PDE1C: variants seen among roughly 807,000 people sequenced by gnomAD.
The protein encoded by PDE1C is dual specificity calcium/calmodulin-dependent 3',5'-cyclic nucleotide phosphodiesterase 1C.
Under a neutral mutation model 93.1 loss-of-function variants are expected in PDE1C, and 62 were observed. That is an observed-to-expected ratio of 0.67 (90% CI 0.54 to 0.82). The LOEUF (loss-of-function observed/expected upper bound fraction) is 0.82, where lower values mean the gene tolerates loss of function less well. Among genes scored for constraint, PDE1C ranks in the 40% least tolerant of loss-of-function variants. The probability of loss-of-function intolerance (pLI) is 0.00; values close to 1 mark genes in which losing one functional copy is unlikely to be tolerated. For missense variants in PDE1C, 742 were observed against 884.6 expected (o/e 0.84, Z 2.04); for synonymous variants, 325 against 310.1 (o/e 1.05, Z -0.50).
At chr7:32,087,848 T>C (rs912159414) in intron 3 of PDE1C, among the ~76,000 whole-genome samples, 7 of 146,124 alleles carry the variant, frequency 4.8e-5, no homozygotes, top group Admixed American at 4.1e-4. Flanking sequence ...CTAGGGACTG[T>C]TGTGGGGTGG....
intron 1 of PDE1C, 96 bp downstream of exon 1, chr7:32,070,197 A>G: frequency 1.3e-6 from 2 of 1,577,428 alleles, no homozygotes; most frequent in Non-Finnish European, 1.7e-6. Flanking sequence ...TTAAAGGCCC[A>G]TGCAGGAACA....
intron 2 of PDE1C, among the ~76,000 whole-genome samples, chr7:32,033,267 G>T (rs1410556220): frequency 1.3e-5 from 2 of 152,072 alleles, no homozygotes; most frequent in African/African-American, 4.8e-5. Flanking sequence ...TCAAAGAAAA[G>T]GGAGAAGCGA....
chr7:31,712,876 A>C, the PDE1C span, among the ~76,000 whole-genome samples: 1 of 152,130 alleles, frequency 6.6e-6, no homozygotes, highest in Non-Finnish European at 1.5e-5. Flanking sequence ...CACTATCACG[A>C]GAACAGCAAG....
the PDE1C span, among the ~76,000 whole-genome samples, chr7:31,669,511 T>C: frequency 1.3e-5 from 2 of 152,164 alleles, no homozygotes. Context: ...CAAGGTAAAA[T>C]ATGGGCCACT....
At chr7:31,834,142 G>A (rs556620366) in intron 11 of PDE1C, among the ~76,000 whole-genome samples, 6 of 152,344 alleles carry the variant, frequency 3.9e-5, no homozygotes, top group African/African-American at 1.4e-4. Flanking sequence ...CAAGAATTGA[G>A]GTTTGGGAAC....
At chr7:31,775,867 G>T (rs1795791903) in intron 16 of PDE1C, 135 bp from the exon 17 acceptor site, 2 of 715,594 alleles carry the variant, frequency 2.8e-6, no homozygotes, top group South Asian at 1.7e-5. Flanking sequence ...GAGGTTGCAG[G>T]GTGGTGCATA....
chr7:32,380,232 C>CT (rs898733851), intron 1 of PDE1C, among the ~76,000 whole-genome samples: 87 of 148,840 alleles, frequency 5.8e-4, no homozygotes, highest in Middle Eastern at 3.4e-3. Flanking sequence ...CTCTCTCTCT[C>CT]TTTTTTTTTT....
chr7:32,255,868 G>A (rs1171761553), intron 1 of PDE1C, among the ~76,000 whole-genome samples: 1 of 152,184 alleles, frequency 6.6e-6, no homozygotes, highest in Non-Finnish European at 1.5e-5. Context: ...ATACAGAAAG[G>A]GCTGGTGGAC....
the PDE1C span, among the ~76,000 whole-genome samples, chr7:31,627,927 G>C: frequency 2.0e-5 from 3 of 152,278 alleles, no homozygotes; most frequent in South Asian, 6.2e-4. Context: ...TATCCAAAAG[G>C]GTTTAACTGA....
the PDE1C span, among the ~76,000 whole-genome samples, chr7:31,709,744 G>T: frequency 6.6e-5 from 10 of 152,108 alleles, no homozygotes; most frequent in Non-Finnish European, 1.3e-4. Context: ...GTCCCCTGAG[G>T]ACTTTTTCTG....
At chr7:31,796,708 T>C (rs1785349197) in intron 16 of PDE1C, among the ~76,000 whole-genome samples, 1 of 151,650 alleles carries the variant, frequency 6.6e-6, no homozygotes, top group African/African-American at 2.4e-5. Flanking sequence ...TATGGATTGG[T>C]TAATAGATTT....
intron 2 of PDE1C, among the ~76,000 whole-genome samples, chr7:31,995,301 T>C (rs1448297068): frequency 2.6e-5 from 4 of 152,162 alleles, no homozygotes; most frequent in African/African-American, 9.7e-5. Flanking sequence ...CAGAGGTCTA[T>C]TTTGTGAACT....
chr7:32,172,578 C>T (rs1259024631), intron 2 of PDE1C, among the ~76,000 whole-genome samples: 4 of 152,018 alleles, frequency 2.6e-5, no homozygotes, highest in African/African-American at 9.7e-5. Context: ...ATCCCACCAC[C>T]TTGGGAGGCC....
At chr7:31,686,831 A>G in the PDE1C span, 1 of 152,328 alleles carries the variant, frequency 6.6e-6, no homozygotes, top group Non-Finnish European at 1.5e-5. Flanking sequence ...GAGAAGCAGC[A>G]ATAGTGATTG....
chr7:31,765,344 A>C (rs1282559836), intron 17 of PDE1C, among the ~76,000 whole-genome samples: 1 of 152,104 alleles, frequency 6.6e-6, no homozygotes, highest in Non-Finnish European at 1.5e-5. Context: ...TGTGGTTATA[A>C]ATTTTCTCAT....
At chr7:31,732,125 G>C in the PDE1C span, among the ~76,000 whole-genome samples, 77 of 152,336 alleles carry the variant, frequency 5.1e-4, no homozygotes, top group African/African-American at 1.7e-3. Context: ...AGGGGCTTTA[G>C]TACTTCATTT....
the PDE1C span, among the ~76,000 whole-genome samples, chr7:31,654,067 A>C: frequency 6.6e-6 from 1 of 151,238 alleles, no homozygotes; most frequent in South Asian, 2.1e-4. Context: ...AAAAAAAAAA[A>C]AAAAACCAAC....
chr7:31,763,426 T>C (rs1261254170), intron 17 of PDE1C, among the ~76,000 whole-genome samples: 1 of 152,096 alleles, frequency 6.6e-6, no homozygotes, highest in Admixed American at 6.5e-5. Flanking sequence ...AATGAGCCCA[T>C]GGAGAGGCTT....
chr7:31,937,196 C>T (rs1382938472), intron 2 of PDE1C, among the ~76,000 whole-genome samples: 1 of 152,112 alleles, frequency 6.6e-6, no homozygotes, highest in Non-Finnish European at 1.5e-5. Flanking sequence ...TAAAAGACAT[C>T]AGACTCTGGA....
Sources: gnomAD v4.1 joint callset for allele counts (sites outside exome capture counted in the v4.1 genomes callset) on GRCh38, gnomAD v4.1.1 for gene constraint, MANE v1.5 for transcripts, NCBI Gene and HGNC (gene_info 2026-07-23, HGNC 2026-07-21) for gene names.